SLC9A3: variants seen among roughly 807,000 people sequenced by gnomAD.
SLC9A3 encodes solute carrier family 9 member A3.
Under a neutral mutation model 86.8 loss-of-function variants are expected in SLC9A3, and 37 were observed. The ratio of observed to expected loss-of-function variants is 0.43; its 90% CI spans 0.33 to 0.56. The LOEUF (loss-of-function observed/expected upper bound fraction) is 0.56, where lower values mean the gene tolerates loss of function less well. Ranked by LOEUF, SLC9A3 falls within the 20% of genes least tolerant of loss-of-function variation. The pLI, the probability that SLC9A3 is intolerant of heterozygous loss-of-function variation, is 0.06. For synonymous variants in SLC9A3, 581 were observed against 528.3 expected, an observed-to-expected ratio of 1.10 and a Z score of -1.37; for missense variants, 1,011 against 1,171.9, an observed-to-expected ratio of 0.86 and a Z score of 2.00.
At chr5:475,749 C>A in intron 14 of SLC9A3, 78 bp from the exon 15 acceptor site, 1 of 855,994 alleles carries the variant, frequency 1.2e-6, no homozygotes, top group South Asian at 1.5e-5. Context: ...TGTCCATCAG[C>A]TCTGTGCACA....
rs1458084707 is a variant in SLC9A3, at chr5:479,831, G to A, written c.1647+5C>T. The A allele has an allele frequency of 6.2e-7, 1 of 1,613,006 alleles. No homozygotes were observed. The highest frequency in any genetic ancestry group is 8.5e-7 in the Non-Finnish European group (1 of 1,179,878). On this transcript the variant is annotated splice_donor_5th_base_variant and intron_variant, in intron 10 of 16. Coordinates refer to ENST00000264938, the MANE Select transcript of SLC9A3 (RefSeq NM_004174.4). Reference sequence around the variant, plus strand: ...CCGACCCGGCAGAGCAAGCGGCTCTGCTACCTCAGCCACGTAGCTGATGGC... The same window carrying A: ...CCGACCCGGCAGAGCAAGCGGCTCTACTACCTCAGCCACGTAGCTGATGGC...
intron 1 of SLC9A3, among the ~76,000 whole-genome samples, chr5:505,784 G>T (rs1225012405): frequency 1.6e-4 from 18 of 114,692 alleles, no homozygotes; most frequent in Non-Finnish European, 3.4e-4. Flanking sequence ...TGGCTGTGGG[G>T]GGTGGGTGGG....
chr5:472,331 G>A lies in SLC9A3; in HGVS notation c.*1048C>T. 1 of 337,180 alleles carries A rather than the reference G, an allele frequency of 3.0e-6. No individual in the cohort carries two copies. Among genetic ancestry groups the A allele is most frequent in the Non-Finnish European group, 5.8e-6 (1 of 172,758 alleles). The allele number at this position is 337,180 out of a possible 1,614,324, so 20.9% of individuals were successfully genotyped here. A position where few individuals can be genotyped will look rare whatever the true frequency, so the allele number is the denominator to read the frequency against. ...AGCAGGTTCTCCTTGGAGGGCCTGA[G>A]CCTGGTAGGGGGGCGGTGCCCTGGG... On this transcript the variant is annotated 3_prime_UTR_variant, in exon 17 of 17. Transcript: ENST00000264938.
In SLC9A3 at chr5:475,150, G is replaced by C. The variant is rs201352986; in HGVS notation, c.2252-18C>G. The C allele has an allele frequency of 7.7e-5, 120 of 1,555,772 alleles. No individual in the cohort carries two copies. In the African/African-American group the frequency reaches 1.5e-3, roughly 19 times the overall value. ...GTCAATTCCTAGGAGAGAGGGCAGCGGCTAGTCAGCCTTCGGAGAGCCCCA... is the reference window on the plus strand; with the variant it reads ...GTCAATTCCTAGGAGAGAGGGCAGCCGCTAGTCAGCCTTCGGAGAGCCCCA... On this transcript the variant is annotated intron_variant, in intron 15 of 16. Coordinates refer to ENST00000264938, the MANE Select transcript of SLC9A3 (RefSeq NM_004174.4).
rs1245465047 is a variant in SLC9A3, at chr5:484,751, C to T, written c.755-54G>A. On this transcript the variant is annotated intron_variant, in intron 4 of 16. Coordinates refer to ENST00000264938, the MANE Select transcript of SLC9A3 (RefSeq NM_004174.4). Reference sequence around the variant, plus strand: ...GCCGGCCTTCCGGGCCCTTCCTTGCCAGGGGCCGCCTGGTGACCCCGCGGA... The same window carrying T: ...GCCGGCCTTCCGGGCCCTTCCTTGCTAGGGGCCGCCTGGTGACCCCGCGGA... 4.4e-6 allele frequency: 7 copies of T among 1,573,808 alleles called. No individual in the cohort carries two copies. The East Asian group carries it at 1.1e-4, about 25-fold the overall frequency.
chr5:473,040 A>G lies in SLC9A3; in HGVS notation c.*339T>C, dbSNP rs1412387670. 2.7e-6 allele frequency: 1 copy of G among 366,828 alleles called. No individual in the cohort carries two copies. Among genetic ancestry groups the G allele is most frequent in the Non-Finnish European group, 4.8e-6 (1 of 206,768 alleles). 22.7% of individuals were successfully genotyped at this position (366,828 alleles called of 1,614,324 possible). On this transcript the variant is annotated 3_prime_UTR_variant, in exon 17 of 17. Coordinates refer to ENST00000264938, the MANE Select transcript of SLC9A3 (RefSeq NM_004174.4). ...GGGCGGCAGCGACGCCAGCTTCAGC[A>G]GCGCGGGGCGGCGGCGCGCGCGAGG...
rs375264691 is a variant in SLC9A3 at position 488,306 on chromosome 5, C to T, written c.675+10G>A. The T allele has an allele frequency of 3.0e-5, 48 of 1,612,130 alleles. No individual in the cohort carries two copies. In the Admixed American group the frequency reaches 3.2e-4, roughly 11 times the overall value. On this transcript the variant is annotated intron_variant, in intron 3 of 16. Transcript: ENST00000264938. Reference sequence around the variant, plus strand: ...CTCGCCCGCTCTGGAGCGGTGGCTCCGTTGCTCACCACGGTGACTGCGTCG... The same window carrying T: ...CTCGCCCGCTCTGGAGCGGTGGCTCTGTTGCTCACCACGGTGACTGCGTCG...
intron 1 of SLC9A3, among the ~76,000 whole-genome samples, chr5:515,006 C>T (rs1733681475): frequency 6.6e-6 from 1 of 152,166 alleles, no homozygotes; most frequent in Non-Finnish European, 1.5e-5. Flanking sequence ...GCACAAAGCC[C>T]TCGGGGATGC....
rs1326568229 is a variant in SLC9A3 at position 471,878 on chromosome 5, G to A, written c.*1501C>T. The A allele has an allele frequency of 2.0e-5, 9 of 456,230 alleles. No individual in the cohort carries two copies. Among genetic ancestry groups the A allele is most frequent in the Non-Finnish European group, 4.0e-5 (9 of 226,674 alleles). 28.3% of individuals were successfully genotyped at this position (456,230 alleles called of 1,614,324 possible). On this transcript the variant is annotated 3_prime_UTR_variant, in exon 17 of 17. Coordinates refer to ENST00000264938, the MANE Select transcript of SLC9A3 (RefSeq NM_004174.4). ...GGGAAATTGTGGACTTTTCCCACCAGGGACTCAATGGGGACTCAATGTGCA... is the reference window on the plus strand; with the variant it reads ...GGGAAATTGTGGACTTTTCCCACCAAGGACTCAATGGGGACTCAATGTGCA...
chr5:475,920 G>T, intron 14 of SLC9A3, 100 bp downstream of exon 14: 1 of 1,071,068 alleles, frequency 9.3e-7, no homozygotes. Context: ...AGGGTCCCCA[G>T]AGGGGAAGGT....
rs1369775642 is a variant in SLC9A3, at chr5:472,956, C to A, written c.*423G>T. The A allele has an allele frequency of 5.7e-6, 3 of 525,378 alleles. No individual in the cohort carries two copies. The highest frequency in any genetic ancestry group is 3.3e-4 in the Middle Eastern group (1 of 3,058). The allele number at this position is 525,378 out of a possible 1,614,324, so 32.5% of individuals were successfully genotyped here. A position where few individuals can be genotyped will look rare whatever the true frequency, so the allele number is the denominator to read the frequency against. ...GCCATGGCGCGCGGACCCTTCCCGCCGGCGGCGTCACAGCGGCGTCTCCTC... is the reference window on the plus strand; with the variant it reads ...GCCATGGCGCGCGGACCCTTCCCGCAGGCGGCGTCACAGCGGCGTCTCCTC... On this transcript the variant is annotated 3_prime_UTR_variant, in exon 17 of 17. Transcript: ENST00000264938.
At chr5:490,413 A>G (rs1739680110) in intron 2 of SLC9A3, among the ~76,000 whole-genome samples, 1 of 152,110 alleles carries the variant, frequency 6.6e-6, no homozygotes, top group Non-Finnish European at 1.5e-5. Flanking sequence ...CAGGTGCAGC[A>G]AGGACGTCCT....
At chr5:517,069 A>T (rs932776514) in intron 1 of SLC9A3, among the ~76,000 whole-genome samples, 1 of 151,540 alleles carries the variant, frequency 6.6e-6, no homozygotes, top group African/African-American at 2.4e-5. Flanking sequence ...TCCTTCACCC[A>T]CCTGTGGGTG....
At chr5:514,332 C>T (rs1307758332) in intron 1 of SLC9A3, among the ~76,000 whole-genome samples, 1 of 152,218 alleles carries the variant, frequency 6.6e-6, no homozygotes, top group Admixed American at 6.5e-5. Context: ...GCTGTCCCTC[C>T]AGGGGCTCTG....
At chr5:519,362 G>T (rs1733818987) in intron 1 of SLC9A3, among the ~76,000 whole-genome samples, 1 of 152,198 alleles carries the variant, frequency 6.6e-6, no homozygotes, top group Non-Finnish European at 1.5e-5. Context: ...GTGGGTAGCA[G>T]ATATGGTGAA....
chr5:472,302 T>C lies in SLC9A3; in HGVS notation c.*1077A>G. 2 of 339,130 alleles carry C rather than the reference T, an allele frequency of 5.9e-6. No homozygotes were observed. The highest frequency in any genetic ancestry group is 4.6e-5 in the South Asian group (2 of 43,772). The allele number at this position is 339,130 out of a possible 1,614,324, so 21.0% of individuals were successfully genotyped here. A position where few individuals can be genotyped will look rare whatever the true frequency, so the allele number is the denominator to read the frequency against. ...CCGGGGTCTAGGACAGGCTCAGGGG[T>C]CTCAGCAGGTTCTCCTTGGAGGGCC... On this transcript the variant is annotated 3_prime_UTR_variant, in exon 17 of 17. Transcript: ENST00000264938.
In SLC9A3 at chr5:473,296, G is replaced by A. The variant is rs1738502085; in HGVS notation, c.*83C>T. On this transcript the variant is annotated 3_prime_UTR_variant, in exon 17 of 17. Transcript: ENST00000264938. ...CGCTGTAGCCGCGCGGGGATCTGGGGTTTCTCTGGGACAGCGGCGGCGGCG... is the reference window on the plus strand; with the variant it reads ...CGCTGTAGCCGCGCGGGGATCTGGGATTTCTCTGGGACAGCGGCGGCGGCG... The A allele has an allele frequency of 7.5e-7, 1 of 1,329,100 alleles. No individual in the cohort carries two copies. Among genetic ancestry groups the A allele is most frequent in the African/African-American group, 1.5e-5 (1 of 65,406 alleles). The allele number at this position is 1,329,100 out of a possible 1,614,324, so 82.3% of individuals were successfully genotyped here.
intron 2 of SLC9A3, among the ~76,000 whole-genome samples, chr5:489,541 C>A (rs574293934): frequency 6.6e-6 from 1 of 152,308 alleles, no homozygotes; most frequent in East Asian, 1.9e-4. Context: ...GGTGACTAAA[C>A]CCCGAGTTTG....
chr5:473,196 G>A lies in SLC9A3; in HGVS notation c.*183C>T. 2 of 550,466 alleles carry A rather than the reference G, an allele frequency of 3.6e-6. No homozygotes were observed. Among genetic ancestry groups the A allele is most frequent in the Non-Finnish European group, 5.1e-6 (2 of 391,252 alleles). The allele number at this position is 550,466 out of a possible 1,614,324, so 34.1% of individuals were successfully genotyped here. On this transcript the variant is annotated 3_prime_UTR_variant, in exon 17 of 17. Coordinates refer to ENST00000264938, the MANE Select transcript of SLC9A3 (RefSeq NM_004174.4). Reference sequence around the variant, plus strand: ...CCCCGGCTCGCCCTCGGGCGGCTCTGCGGGCGCAGGCGCGGCACTCTCGGA... The same window carrying A: ...CCCCGGCTCGCCCTCGGGCGGCTCTACGGGCGCAGGCGCGGCACTCTCGGA...
Sources: allele counts gnomAD v4.1 joint callset (sites outside exome capture counted in the v4.1 genomes callset), GRCh38; gene constraint gnomAD v4.1.1; transcripts MANE v1.5; gene names NCBI Gene and HGNC (gene_info 2026-07-23, HGNC 2026-07-21).